The following CADM3 variants were observed in gnomAD, a reference collection of about 807,000 sequenced individuals.
The protein encoded by CADM3 is TSLC1-like 1.
CADM3 carries 11 observed loss-of-function variants against 44.9 expected under a neutral mutation model. The ratio of observed to expected loss-of-function variants is 0.25; its 90% CI spans 0.15 to 0.41. CADM3 has a LOEUF of 0.41. CADM3 is among the 10% of genes least tolerant of loss of function. CADM3 has a pLI of 1.00. For synonymous variants in CADM3, 207 were observed against 205.2 expected (o/e 1.01, Z -0.08); for missense variants, 426 against 512.0 (o/e 0.83, Z 1.62).
Position 159,192,430 on chromosome 1 carries a change from C to T in CADM3, c.230-148C>T, listed in dbSNP as rs1649703702. On this transcript the variant is annotated intron_variant, in intron 2 of 8. Coordinates refer to ENST00000368125, the MANE Select transcript of CADM3 (RefSeq NM_001127173.3). ...ATGACCCAGAAAAGTGATTGAATAA[C>T]TTAAAGACTGCTTAAACTCAGGAGC... The T allele has an allele frequency of 3.4e-6, 3 of 879,154 alleles. No individual in the cohort carries two copies. In the Admixed American group the frequency reaches 7.3e-5, roughly 21 times the overall value. The allele number at this position is 879,154 out of a possible 1,614,324, so 54.5% of individuals were successfully genotyped here.
intron 1 of CADM3, among the ~76,000 whole-genome samples, chr1:159,190,425 A>G (rs565510326): frequency 6.6e-6 from 1 of 152,362 alleles, no homozygotes; most frequent in African/African-American, 2.4e-5. Flanking sequence ...ACAGAGTTCT[A>G]GTTCTAACTC....
At chr1:159,196,525 T>G (rs1466954750) in intron 6 of CADM3, 71 bp downstream of exon 6, 2 of 1,187,844 alleles carry the variant, frequency 1.7e-6, no homozygotes, top group Non-Finnish European at 2.5e-6. Context: ...ACATAACAGC[T>G]CCTTCCTATC....
At chr1:159,197,205 G>T in intron 7 of CADM3, 145 bp downstream of exon 7, 1 of 754,980 alleles carries the variant, frequency 1.3e-6, no homozygotes. Context: ...GGTCCCTGAG[G>T]GCTTAGGTCC....
At chr1:159,184,510 C>G (rs553015727) in intron 1 of CADM3, among the ~76,000 whole-genome samples, 1 of 152,216 alleles carries the variant, frequency 6.6e-6, no homozygotes, top group East Asian at 1.9e-4. Flanking sequence ...GGAAGTGGGA[C>G]TCTGGACTCA....
At chr1:159,194,439 G>C (rs752619288) in intron 5 of CADM3, 1 of 159,138 alleles carries the variant, frequency 6.3e-6, no homozygotes, top group African/African-American at 2.4e-5. Context: ...AACTGTTGTC[G>C]TAACTGTGGT....
At chr1:159,196,246 G>A in intron 5 of CADM3, 118 bp from the exon 6 acceptor site, 1 of 714,696 alleles carries the variant, frequency 1.4e-6, no homozygotes, top group South Asian at 1.8e-5. Context: ...GAAGGTCTTT[G>A]TTGCACTTCT....
At chr1:159,196,535 C>T in intron 6 of CADM3, 81 bp downstream of exon 6, 4 of 1,119,212 alleles carry the variant, frequency 3.6e-6, no homozygotes, top group Non-Finnish European at 5.3e-6. Context: ...TCCTTCCTAT[C>T]TCCTCTGTAT....
intron 1 of CADM3, among the ~76,000 whole-genome samples, chr1:159,187,619 GC>G (rs1649469049): frequency 6.6e-6 from 1 of 152,150 alleles, no homozygotes; most frequent in Admixed American, 6.5e-5. Context: ...ACTCATTTGA[GC>G]AAAGGCCTAT....
intron 5 of CADM3, chr1:159,194,545 T>C (rs1557937483): frequency 6.5e-6 from 1 of 152,706 alleles, no homozygotes; most frequent in Non-Finnish European, 1.5e-5. Context: ...TGAGCTTGAT[T>C]CTATATTTGC....
intron 1 of CADM3, among the ~76,000 whole-genome samples, chr1:159,172,289 T>C (rs1223537044): frequency 2.0e-5 from 3 of 152,008 alleles, no homozygotes; most frequent in Non-Finnish European, 2.9e-5. Flanking sequence ...CGGGTGTTTG[T>C]GTATGTATGT....
chr1:159,184,689 T>C (rs1311759133), intron 1 of CADM3, among the ~76,000 whole-genome samples: 1 of 152,252 alleles, frequency 6.6e-6, no homozygotes, highest in African/African-American at 2.4e-5. Flanking sequence ...GGGGTTATAC[T>C]GGCAGACTTT....
chr1:159,193,606 AAG>A (rs750716681), intron 4 of CADM3, 46 bp downstream of exon 4: 1 of 1,612,698 alleles, frequency 6.2e-7, no homozygotes, highest in Non-Finnish European at 8.5e-7. Context: ...TGGTGCTGGA[AAG>A]AGAGAGAAGT....
At chr1:159,185,718 A>C (rs1649392467) in intron 1 of CADM3, among the ~76,000 whole-genome samples, 1 of 152,152 alleles carries the variant, frequency 6.6e-6, no homozygotes, top group East Asian at 1.9e-4. Context: ...CTGTTTCTTC[A>C]TCTCCTGTTT....
chr1:159,184,414 G>A (rs1446948282), intron 1 of CADM3, among the ~76,000 whole-genome samples: 1 of 152,166 alleles, frequency 6.6e-6, no homozygotes, highest in East Asian at 1.9e-4. Context: ...TTTTAACTCT[G>A]GAGTTAGAGA....
chr1:159,180,708 C>T (rs190253974), intron 1 of CADM3, among the ~76,000 whole-genome samples: 7 of 152,076 alleles, frequency 4.6e-5, no homozygotes, highest in Admixed American at 1.3e-4. Flanking sequence ...TGCTCCTAAC[C>T]ATTGCCCTGA....
intron 1 of CADM3, among the ~76,000 whole-genome samples, chr1:159,182,445 A>T (rs192231840): frequency 6.6e-6 from 1 of 152,304 alleles, no homozygotes; most frequent in South Asian, 2.1e-4. Context: ...GCTATAAACT[A>T]TCAATGAGTA....
chr1:159,181,763 C>T (rs1338736054), intron 1 of CADM3, among the ~76,000 whole-genome samples: 1 of 152,154 alleles, frequency 6.6e-6, no homozygotes, highest in Non-Finnish European at 1.5e-5. Flanking sequence ...GGTGCTAATG[C>T]ACCAAGAACA....
chr1:159,199,969 C>T (rs1650085084), intron 8 of CADM3, 93 bp downstream of exon 8: 5 of 1,462,894 alleles, frequency 3.4e-6, no homozygotes, highest in Non-Finnish European at 4.7e-6. Flanking sequence ...GTGGAAAGGG[C>T]CTTCAGAGAC....
chr1:159,180,579 A>AT (rs10681414), intron 1 of CADM3, among the ~76,000 whole-genome samples: 13,971 of 149,444 alleles, frequency 0.093, 1,851 homozygotes, highest in African/African-American at 0.3. Context: ...AAAAATACAG[A>AT]TTTTTTTTTT....
Sources: allele counts gnomAD v4.1 joint callset (sites outside exome capture counted in the v4.1 genomes callset), GRCh38; gene constraint gnomAD v4.1.1; transcripts MANE v1.5; gene names NCBI Gene and HGNC (gene_info 2026-07-23, HGNC 2026-07-21).